The following SLC12A2 variants were observed in gnomAD, a reference collection of about 807,000 sequenced individuals.
The protein encoded by SLC12A2 is Na-K-2Cl cotransporter 1.
SLC12A2 carries 67 observed loss-of-function variants against 136.3 expected under a neutral mutation model. The observed-to-expected ratio is 0.49, with a 90% CI of 0.40 to 0.60. SLC12A2 has a LOEUF of 0.60. SLC12A2 is among the 20% of genes least tolerant of loss of function. The pLI is 0.00. For synonymous variants in SLC12A2, 619 were observed against 562.9 expected (o/e 1.10, Z -1.41); for missense variants, 1,322 against 1,534.7 (o/e 0.86, Z 2.32).
At chr5:128,173,923 A>G (rs1179140128) in intron 19 of SLC12A2, among the ~76,000 whole-genome samples, 2 of 152,206 alleles carry the variant, frequency 1.3e-5, no homozygotes, top group Non-Finnish European at 2.9e-5. Flanking sequence ...TACTTTCACC[A>G]TGAACTTAGG....
intron 16 of SLC12A2, 71 bp from the exon 17 acceptor site, chr5:128,161,589 A>G: frequency 1.0e-6 from 1 of 968,910 alleles, no homozygotes. Flanking sequence ...GTATAACAGG[A>G]TGAATCATTT....
chr5:128,161,742 C>A lies in SLC12A2; in HGVS notation c.2558C>A (p.Ala853Glu). 6.5e-7 allele frequency: 1 copy of A among 1,532,212 alleles called. No homozygotes were observed. The highest frequency in any genetic ancestry group is 2.5e-5 in the East Asian group (1 of 39,580). 94.9% of individuals were successfully genotyped at this position (1,532,212 alleles called of 1,614,324 possible). A position where few individuals can be genotyped will look rare whatever the true frequency, so the allele number is the denominator to read the frequency against. The change falls in exon 17 of 27, where the codon GCA becomes GAA. Residue 853 changes from alanine to glutamate, a missense_variant. Ala to Glu is a moderately radical substitution (Grantham distance 107). Coordinates refer to ENST00000262461, the MANE Select transcript of SLC12A2 (RefSeq NM_001046.3). ...QRWLIKNKMK[A>E]FYAPVHADDL... Reference sequence around the variant, plus strand: ...TGGCTTATTAAGAACAAAATGAAGGCATTTTATGCTCCAGTACATGCAGAT... The same window carrying A: ...TGGCTTATTAAGAACAAAATGAAGGAATTTTATGCTCCAGTACATGCAGAT...
chr5:128,181,296 CA>C (rs1763699416), intron 23 of SLC12A2, among the ~76,000 whole-genome samples: 1 of 152,054 alleles, frequency 6.6e-6, no homozygotes, highest in Non-Finnish European at 1.5e-5. Context: ...AGAAAATGCA[CA>C]AACGTTACAT....
At chr5:128,097,390 C>A (rs952522754) in intron 1 of SLC12A2, among the ~76,000 whole-genome samples, 1 of 151,966 alleles carries the variant, frequency 6.6e-6, no homozygotes, top group Admixed American at 6.6e-5. Context: ...AGTTATAATA[C>A]TTTAAAGTAT....
intron 15 of SLC12A2, among the ~76,000 whole-genome samples, chr5:128,154,073 A>C (rs553577029): frequency 4.0e-5 from 6 of 151,672 alleles, no homozygotes; most frequent in Non-Finnish European, 7.4e-5. Context: ...AAAAACAAAA[A>C]AAAAAAACCT....
intron 1 of SLC12A2, among the ~76,000 whole-genome samples, chr5:128,107,576 A>T (rs1047649839): frequency 1.3e-5 from 2 of 152,124 alleles, no homozygotes; most frequent in African/African-American, 4.8e-5. Flanking sequence ...GTTTGCTGAG[A>T]ATGATGGTTT....
At chr5:128,116,571 A>G (rs1309065502) in intron 4 of SLC12A2, among the ~76,000 whole-genome samples, 1 of 152,130 alleles carries the variant, frequency 6.6e-6, no homozygotes, top group Non-Finnish European at 1.5e-5. Flanking sequence ...AAATCTGTTC[A>G]CAAAGGAAGA....
At chr5:128,148,500 T>A (rs1762600414) in intron 11 of SLC12A2, among the ~76,000 whole-genome samples, 1 of 151,860 alleles carries the variant, frequency 6.6e-6, no homozygotes, top group Admixed American at 6.6e-5. Context: ...GCTTCTGTGA[T>A]TTCTTCTTCA....
In SLC12A2 at chr5:128,108,336, C is replaced by T. The variant is rs1561661171; in HGVS notation, c.757-4478C>T. Among the ~76,000 whole-genome samples, 5 of 152,222 alleles carry T rather than the reference C, an allele frequency of 3.3e-5. No individual in the cohort carries two copies. In the South Asian group the frequency reaches 1.0e-3, roughly 32 times the overall value. On this transcript the variant is annotated intron_variant, in intron 1 of 26. Transcript: ENST00000262461. ...CTCAAGATAAATGAAAACATATTTT[C>T]ACCCAAAAACTTTAGACAGCTGTTC...
Position 128,189,002 on chromosome 5 carries a change from T to C in SLC12A2, c.*2371T>C, listed in dbSNP as rs2126766034. The C allele has an allele frequency of 6.6e-6, 1 of 152,084 alleles. No individual in the cohort carries two copies. The highest frequency in any genetic ancestry group is 1.9e-4 in the East Asian group (1 of 5,160). 9.4% of individuals were successfully genotyped at this position (152,084 alleles called of 1,614,324 possible). A position where few individuals can be genotyped will look rare whatever the true frequency, so the allele number is the denominator to read the frequency against. On this transcript the variant is annotated 3_prime_UTR_variant, in exon 27 of 27. Transcript: ENST00000262461. The stretch of plus-strand genomic sequence containing the variant: ...TACTACAGGAACCAAATGTCATGCG[T>C]CATACATGTGGGTATAAAGTACATA...
intron 12 of SLC12A2, 90 bp downstream of exon 12, chr5:128,148,967 G>T: frequency 2.7e-6 from 3 of 1,094,038 alleles, no homozygotes; most frequent in Admixed American, 2.7e-5. Flanking sequence ...ATGTTATCTT[G>T]GTATACTAAG....
intron 4 of SLC12A2, among the ~76,000 whole-genome samples, chr5:128,121,614 G>A (rs1191243288): frequency 6.6e-6 from 1 of 152,036 alleles, no homozygotes; most frequent in Non-Finnish European, 1.5e-5. Context: ...GAGACACTGC[G>A]CCCGGCTGAT....
At chr5:128,112,495 C>T (rs1184874764) in intron 1 of SLC12A2, among the ~76,000 whole-genome samples, 2 of 152,198 alleles carry the variant, frequency 1.3e-5, no homozygotes, top group Non-Finnish European at 2.9e-5. Flanking sequence ...AATTGATCGA[C>T]TTAGCTACCC....
intron 1 of SLC12A2, chr5:128,109,853 C>G: frequency 1.3e-6 from 1 of 787,330 alleles, no homozygotes; most frequent in Non-Finnish European, 2.3e-6. Context: ...GGCCAAATCC[C>G]CATGTATTTT....
chr5:128,091,008 T>A (rs920583557), intron 1 of SLC12A2, among the ~76,000 whole-genome samples: 2 of 151,972 alleles, frequency 1.3e-5, no homozygotes, highest in Non-Finnish European at 2.9e-5. Context: ...AATACCACGC[T>A]GATTGTTGTG....
At chr5:128,106,687 T>G in intron 1 of SLC12A2, among the ~76,000 whole-genome samples, 1 of 152,162 alleles carries the variant, frequency 6.6e-6, no homozygotes, top group East Asian at 1.9e-4. Flanking sequence ...ACTGGAAAAT[T>G]TTACTTTGTT....
chr5:128,125,957 C>G (rs1040260275), intron 4 of SLC12A2, among the ~76,000 whole-genome samples: 1 of 152,032 alleles, frequency 6.6e-6, no homozygotes, highest in African/African-American at 2.4e-5. Context: ...GTTTTTGATA[C>G]CATTGTTGAA....
chr5:128,139,055 C>T, intron 9 of SLC12A2, 147 bp downstream of exon 9: 1 of 619,918 alleles, frequency 1.6e-6, no homozygotes, highest in Non-Finnish European at 2.8e-6. Context: ...AATTCAAAAA[C>T]AGTTTTTAGA....
chr5:128,152,896 AT>A (rs1762749797), intron 15 of SLC12A2, 91 bp downstream of exon 15: 1 of 813,994 alleles, frequency 1.2e-6, no homozygotes, highest in African/African-American at 1.7e-5. Context: ...TACATTTCAC[AT>A]TTTTAATCGG....
Sources: gnomAD v4.1 joint callset for allele counts (sites outside exome capture counted in the v4.1 genomes callset) on GRCh38, gnomAD v4.1.1 for gene constraint, MANE v1.5 for transcripts, NCBI Gene and HGNC (gene_info 2026-07-23, HGNC 2026-07-21) for gene names.